AP3S1: variants seen among roughly 807,000 people sequenced by gnomAD.
AP3S1 encodes the protein adaptor related protein complex 3 subunit sigma 1, also known as AP-3 complex subunit sigma-1.
In AP3S1, 12 loss-of-function variants were observed where a neutral mutation model predicts 21.3. The ratio of observed to expected loss-of-function variants is 0.56; its 90% CI spans 0.36 to 0.91. The LOEUF is 0.91. Ranked by LOEUF, AP3S1 falls within the 40% of genes least tolerant of loss-of-function variation. The pLI is 0.01. For synonymous variants in AP3S1, 48 were observed against 78.4 expected (o/e 0.61, Z 2.05); for missense variants, 116 against 225.0 (o/e 0.52, Z 3.10).
chr5:115,881,337 C>A (rs572216613), intron 3 of AP3S1, among the ~76,000 whole-genome samples: 2 of 152,194 alleles, frequency 1.3e-5, no homozygotes, highest in East Asian at 3.9e-4. Context: ...TGGCTGGTAC[C>A]GGTTTTTCCT....
rs553825786 is a variant in AP3S1, at chr5:115,898,397, T to G, written c.345+3239T>G. 2.6e-3 allele frequency among the ~76,000 whole-genome samples: 397 copies of G among 152,344 alleles called. 2 individuals carry two copies. Among genetic ancestry groups the G allele is most frequent in the African/African-American group, 9.0e-3 (374 of 41,570 alleles). On this transcript the variant is annotated intron_variant, in intron 4 of 5. Transcript: ENST00000316788. Reference sequence around the variant, plus strand: ...CATGCTAATAACTGTATCAATCACATAGGCTAGTGTAGTCACCCTGAAGTA... The same window carrying G: ...CATGCTAATAACTGTATCAATCACAGAGGCTAGTGTAGTCACCCTGAAGTA...
intron 1 of AP3S1, among the ~76,000 whole-genome samples, chr5:115,865,391 G>A (rs898301240): frequency 6.6e-6 from 1 of 152,140 alleles, no homozygotes; most frequent in Non-Finnish European, 1.5e-5. Context: ...TGGGGGATCA[G>A]CATCCCTAAC....
At chr5:115,878,952 T>C (rs1749017360) in intron 3 of AP3S1, among the ~76,000 whole-genome samples, 1 of 152,134 alleles carries the variant, frequency 6.6e-6, no homozygotes, top group African/African-American at 2.4e-5. Context: ...TTATTCTCTT[T>C]GTAGCAATTG....
chr5:115,868,883 AAAAG>A (rs1427878523), intron 2 of AP3S1, among the ~76,000 whole-genome samples: 2 of 111,884 alleles, frequency 1.8e-5, no homozygotes, highest in Admixed American at 2.0e-4. Context: ...CTCTGTCTCA[AAAAG>A]AAAGAGAGAG....
At chr5:115,901,394 T>C (rs1751197637) in intron 4 of AP3S1, among the ~76,000 whole-genome samples, 1 of 53,556 alleles carries the variant, frequency 1.9e-5, no homozygotes, top group African/African-American at 8.4e-5. Context: ...CCTATATTCT[T>C]TTTTTTTTTT....
chr5:115,852,873 A>T, intron 1 of AP3S1: 1 of 326,048 alleles, frequency 3.1e-6, no homozygotes, highest in Non-Finnish European at 6.1e-6. Context: ...CCATTTATCA[A>T]TTGATGGACA....
chr5:115,876,492 G>T (rs1243555879), intron 3 of AP3S1, among the ~76,000 whole-genome samples: 1 of 152,102 alleles, frequency 6.6e-6, no homozygotes. Flanking sequence ...TGGACATGGT[G>T]GAGAGACTCC....
At chr5:115,843,680 A>C (rs1278605490) in intron 1 of AP3S1, among the ~76,000 whole-genome samples, 1 of 152,232 alleles carries the variant, frequency 6.6e-6, no homozygotes, top group Non-Finnish European at 1.5e-5. Flanking sequence ...ACAATTCAAA[A>C]AATTATTTTT....
At chr5:115,864,500 G>T (rs1269320597) in intron 1 of AP3S1, among the ~76,000 whole-genome samples, 1 of 152,180 alleles carries the variant, frequency 6.6e-6, no homozygotes, top group Non-Finnish European at 1.5e-5. Flanking sequence ...CTATGCAAGA[G>T]AATCTTAATA....
At chr5:115,881,109 G>T (rs1032893098) in intron 3 of AP3S1, among the ~76,000 whole-genome samples, 1 of 152,006 alleles carries the variant, frequency 6.6e-6, no homozygotes, top group African/African-American at 2.4e-5. Flanking sequence ...ACGTGAAGGG[G>T]TCTTCTGAAT....
intron 5 of AP3S1, chr5:115,903,307 G>A (rs3797564): frequency 0.4 from 67,134 of 168,006 alleles, 13,738 homozygotes; most frequent in Admixed American, 0.47. Context: ...AACTTCAGTC[G>A]GTAATTATCA....
At chr5:115,883,114 A>G (rs991264413) in intron 3 of AP3S1, among the ~76,000 whole-genome samples, 2 of 152,190 alleles carry the variant, frequency 1.3e-5, no homozygotes, top group African/African-American at 4.8e-5. Flanking sequence ...TATTCAAGCC[A>G]GTGGACCTTA....
intron 4 of AP3S1, among the ~76,000 whole-genome samples, chr5:115,901,807 G>A (rs1284873125): frequency 6.6e-6 from 1 of 152,020 alleles, no homozygotes; most frequent in Admixed American, 6.6e-5. Flanking sequence ...GGGATTACAG[G>A]TGTGAGCCAC....
At chr5:115,872,199 G>A (rs1748323692) in intron 3 of AP3S1, among the ~76,000 whole-genome samples, 1 of 152,114 alleles carries the variant, frequency 6.6e-6, no homozygotes, top group Non-Finnish European at 1.5e-5. Context: ...GGAGGCTGAG[G>A]CGGGAGCCAG....
In AP3S1 at chr5:115,911,776, C is replaced by T. The variant is rs556352113; in HGVS notation, c.454-1586C>T. ...TATTATTTAGTTGTATCTCCAACAT[C>T]TTTGGGGGAGCAGGAAGGAAGGGGG... is the stretch of plus-strand genomic sequence containing the variant. On this transcript the variant is annotated intron_variant, in intron 5 of 5. Transcript: ENST00000316788. Among the ~76,000 whole-genome samples, 26 of 151,566 alleles carry T rather than the reference C, an allele frequency of 1.7e-4. No individual in the cohort carries two copies. In the South Asian group the frequency reaches 4.8e-3, roughly 28 times the overall value.
intron 4 of AP3S1, among the ~76,000 whole-genome samples, chr5:115,901,181 A>G (rs988768695): frequency 2.0e-5 from 3 of 152,158 alleles, no homozygotes; most frequent in Non-Finnish European, 4.4e-5. Context: ...GCGAAAATTA[A>G]TGTATATAAT....
At chr5:115,912,307 C>T (rs533788102) in intron 5 of AP3S1, among the ~76,000 whole-genome samples, 1 of 151,866 alleles carries the variant, frequency 6.6e-6, no homozygotes, top group Non-Finnish European at 1.5e-5. Flanking sequence ...TATTTTTGTA[C>T]AAAATGATGC....
Position 115,841,973 on chromosome 5 carries a change from G to A in AP3S1, c.-65G>A. The A allele has an allele frequency of 6.5e-7, 1 of 1,545,052 alleles. No individual in the cohort carries two copies. Among genetic ancestry groups the A allele is most frequent in the Non-Finnish European group, 8.7e-7 (1 of 1,144,764 alleles). ...GGAAGGATCGCAGGCGAGATTACGA[G>A]GCGAGGCTCGCGCGCCCGCCCCCGC... is the stretch of plus-strand genomic sequence containing the variant. On this transcript the variant is annotated 5_prime_UTR_variant, in exon 1 of 6. Coordinates refer to ENST00000316788, the MANE Select transcript of AP3S1 (RefSeq NM_001284.4).
At chr5:115,895,182 A>G in intron 4 of AP3S1, 24 bp downstream of exon 4, 2 of 1,492,986 alleles carry the variant, frequency 1.3e-6, no homozygotes, top group Non-Finnish European at 1.8e-6. Flanking sequence ...TGTCACATCT[A>G]AGCTTTTTAA....
Sources: gnomAD v4.1 joint callset for allele counts (sites outside exome capture counted in the v4.1 genomes callset) on GRCh38, gnomAD v4.1.1 for gene constraint, MANE v1.5 for transcripts, NCBI Gene and HGNC (gene_info 2026-07-23, HGNC 2026-07-21) for gene names.